The following FGF14 variants were observed in gnomAD, a reference collection of about 807,000 sequenced individuals.
FGF14 encodes fibroblast growth factor homologous factor 4.
In FGF14, 5 loss-of-function variants were observed where a neutral mutation model predicts 25.5. That is an observed-to-expected ratio of 0.20 (90% CI 0.10 to 0.41). FGF14 has a LOEUF of 0.41. Among genes scored for constraint, FGF14 ranks in the 10% least tolerant of loss-of-function variants. The pLI, the probability that FGF14 is intolerant of heterozygous loss-of-function variation, is 1.00. For synonymous variants in FGF14, 138 were observed against 118.3 expected (o/e 1.17, Z -1.08); for missense variants, 222 against 320.1 (o/e 0.69, Z 2.34).
chr13:101,731,171 A>T (rs993741930), intron 3 of FGF14, among the ~76,000 whole-genome samples: 8 of 152,188 alleles, frequency 5.3e-5, no homozygotes, highest in Non-Finnish European at 1.0e-4. Flanking sequence ...TCCTAGTCTA[A>T]TTGATAGTTG....
At chr13:102,020,801 G>C (rs1485349534) in intron 1 of FGF14, among the ~76,000 whole-genome samples, 2 of 151,976 alleles carry the variant, frequency 1.3e-5, no homozygotes. Flanking sequence ...CAGATGGGAT[G>C]TTACCTGACA....
At chr13:102,375,800 T>C (rs545210717) in intron 1 of FGF14, among the ~76,000 whole-genome samples, 1 of 152,198 alleles carries the variant, frequency 6.6e-6, no homozygotes, top group Non-Finnish European at 1.5e-5. Flanking sequence ...TCCAATCTTG[T>C]TCCTTAAAAA....
chr13:101,726,577 A>G, intron 4 of FGF14, 35 bp downstream of exon 4: 1 of 1,574,066 alleles, frequency 6.4e-7, no homozygotes. Context: ...ATATGTAATA[A>G]GTCTATGTAA....
rs1425230296 is a variant in FGF14, at chr13:101,867,210, C to T, written c.408+1515G>A. ...TCTTGTTTCTATTCCTACTGCTTAG[C>T]CTGCACCAAGCATAATCAATACTTT... On this transcript the variant is annotated intron_variant, in intron 3 of 4. Coordinates refer to ENST00000376143, the MANE Select transcript of FGF14 (RefSeq NM_004115.4). Among the ~76,000 whole-genome samples, 5 of 152,080 alleles carry T rather than the reference C, an allele frequency of 3.3e-5. No homozygotes were observed. In the South Asian group the frequency reaches 6.2e-4, roughly 19 times the overall value.
chr13:102,291,050 G>T (rs1303985578), intron 1 of FGF14, among the ~76,000 whole-genome samples: 1 of 152,150 alleles, frequency 6.6e-6, no homozygotes, highest in African/African-American at 2.4e-5. Context: ...AACAAAGAGA[G>T]AGTTAAAATG....
At chr13:102,000,926 G>T (rs1036394608) in intron 1 of FGF14, among the ~76,000 whole-genome samples, 2 of 152,158 alleles carry the variant, frequency 1.3e-5, no homozygotes, top group Non-Finnish European at 2.9e-5. Flanking sequence ...ATTTACTGAG[G>T]ACAGCAAAAG....
At chr13:102,208,279 T>C (rs575396564) in intron 1 of FGF14, among the ~76,000 whole-genome samples, 24 of 152,172 alleles carry the variant, frequency 1.6e-4, no homozygotes, top group Admixed American at 3.3e-4. Flanking sequence ...AAGACACACA[T>C]CAAGTATCAC....
chr13:101,719,477 GTT>G lies in FGF14; in HGVS notation c.*3352_*3353del, dbSNP rs1566808669. 1 of 152,046 alleles carries G rather than the reference GTT, an allele frequency of 6.6e-6. No individual in the cohort carries two copies. The highest frequency in any genetic ancestry group is 1.9e-4 in the East Asian group (1 of 5,178). The allele number at this position is 152,046 out of a possible 1,614,324, so 9.4% of individuals were successfully genotyped here. The stretch of plus-strand genomic sequence containing the variant: ...AGGATTTGTAATGAAATGATGTTCA[GTT>G]CCATTTTGCTCTTTACATAGGGTGG... On this transcript the variant is annotated 3_prime_UTR_variant, in exon 5 of 5. Transcript: ENST00000376143.
intron 1 of FGF14, among the ~76,000 whole-genome samples, chr13:102,162,239 G>C (rs969023386): frequency 6.6e-6 from 1 of 152,124 alleles, no homozygotes; most frequent in Non-Finnish European, 1.5e-5. Context: ...GTCAAAGGCT[G>C]AACAAAGCCT....
upstream of FGF14, among the ~76,000 whole-genome samples, chr13:101,919,236 C>A (rs1336926819): frequency 1.3e-5 from 2 of 152,044 alleles, no homozygotes; most frequent in Admixed American, 1.3e-4. Context: ...GCCATTTGTA[C>A]ATTTCAGAAG....
At chr13:101,781,096 T>C (rs2039462476) in intron 3 of FGF14, among the ~76,000 whole-genome samples, 1 of 151,542 alleles carries the variant, frequency 6.6e-6, no homozygotes, top group African/African-American at 2.4e-5. Context: ...TCCCCAAGCG[T>C]CTTGCCATAG....
At chr13:102,395,553 A>G (rs2058560062) in intron 1 of FGF14, 1 of 152,234 alleles carries the variant, frequency 6.6e-6, no homozygotes, top group African/African-American at 2.4e-5. Context: ...TTTATTTAGT[A>G]GCCAAATTCT....
chr13:102,098,788 C>A lies in FGF14; in HGVS notation c.209-223492G>T, dbSNP rs558836568. 5.9e-5 allele frequency among the ~76,000 whole-genome samples: 9 copies of A among 152,296 alleles called. No homozygotes were observed. The South Asian group carries it at 1.9e-3, about 32-fold the overall frequency. On this transcript the variant is annotated intron_variant, in intron 1 of 4. Transcript: ENST00000376131. ...CGCTTTTAGGACAGAAAAGGCTCCC[C>A]TGCAACCAGGTAACCTCCAATGGGC... is the stretch of plus-strand genomic sequence containing the variant.
At chr13:102,056,960 A>T (rs2140084635) in intron 1 of FGF14, among the ~76,000 whole-genome samples, 1 of 151,630 alleles carries the variant, frequency 6.6e-6, no homozygotes, top group South Asian at 2.1e-4. Context: ...AACTTTTAAA[A>T]TTTGCTTTGA....
chr13:102,383,480 T>C (rs1019187406), intron 1 of FGF14, among the ~76,000 whole-genome samples: 1 of 152,170 alleles, frequency 6.6e-6, no homozygotes, highest in Non-Finnish European at 1.5e-5. Context: ...TACTATCTTT[T>C]CAACTTAAAA....
chr13:102,119,893 G>A (rs946342412), intron 1 of FGF14, among the ~76,000 whole-genome samples: 2 of 152,152 alleles, frequency 1.3e-5, no homozygotes, highest in Non-Finnish European at 2.9e-5. Context: ...AGATTCAGAT[G>A]AGCCAGGATG....
chr13:101,886,421 G>A (rs12100430), intron 1 of FGF14, among the ~76,000 whole-genome samples: 98 of 152,168 alleles, frequency 6.4e-4, no homozygotes, highest in Middle Eastern at 3.4e-3. Flanking sequence ...TTTTGACAAA[G>A]GCACCAAGAA....
chr13:102,226,135 G>A (rs1378627050), intron 1 of FGF14, among the ~76,000 whole-genome samples: 1 of 152,152 alleles, frequency 6.6e-6, no homozygotes, highest in African/African-American at 2.4e-5. Context: ...GTCCCTTACA[G>A]CACACTTCCT....
At chr13:101,881,717 C>G (rs1334626702) in intron 1 of FGF14, among the ~76,000 whole-genome samples, 1 of 152,156 alleles carries the variant, frequency 6.6e-6, no homozygotes, top group African/African-American at 2.4e-5. Context: ...TCATTTGCTC[C>G]TTCCCAGAAC....
Sources: gnomAD v4.1 joint callset for allele counts (sites outside exome capture counted in the v4.1 genomes callset) on GRCh38, gnomAD v4.1.1 for gene constraint, MANE v1.5 for transcripts, NCBI Gene and HGNC (gene_info 2026-07-23, HGNC 2026-07-21) for gene names.